GLRA3: variants seen among roughly 807,000 people sequenced by gnomAD.
GLRA3 encodes glycine receptor alpha 3.
GLRA3 carries 44 observed loss-of-function variants against 60.4 expected under a neutral mutation model. The ratio of observed to expected loss-of-function variants is 0.73; its 90% CI spans 0.57 to 0.94. The LOEUF is 0.94. Among genes scored for constraint, GLRA3 ranks in the 40% least tolerant of loss-of-function variants. GLRA3 has a pLI of 0.00. For synonymous variants in GLRA3, 223 were observed against 192.9 expected (o/e 1.16, Z -1.29); for missense variants, 508 against 564.6 (o/e 0.90, Z 1.02).
intron 9 of GLRA3, among the ~76,000 whole-genome samples, chr4:174,647,045 T>C (rs765438449): frequency 2.6e-5 from 4 of 152,186 alleles, no homozygotes; most frequent in Non-Finnish European, 4.4e-5. Flanking sequence ...AATTGGCAGA[T>C]GGATGATCTG....
At chr4:174,711,459 TAG>T (rs1293575172) in intron 5 of GLRA3, among the ~76,000 whole-genome samples, 7 of 149,500 alleles carry the variant, frequency 4.7e-5, no homozygotes, top group African/African-American at 1.2e-4. Flanking sequence ...TTTTTTTTTT[TAG>T]AGAGAGTCTC....
At chr4:174,816,214 G>A (rs1740494886) in intron 1 of GLRA3, among the ~76,000 whole-genome samples, 1 of 152,118 alleles carries the variant, frequency 6.6e-6, no homozygotes, top group Non-Finnish European at 1.5e-5. Flanking sequence ...TGGGTTATAG[G>A]TTTGCTGTGT....
At chr4:174,764,538 G>A (rs1442737338) in intron 3 of GLRA3, among the ~76,000 whole-genome samples, 1 of 63,776 alleles carries the variant, frequency 1.6e-5, no homozygotes, top group Non-Finnish European at 3.7e-5. Context: ...AAGTCAGCCT[G>A]TGCGACAGAC....
At chr4:174,774,401 T>C (rs1738513189) in intron 2 of GLRA3, among the ~76,000 whole-genome samples, 1 of 151,974 alleles carries the variant, frequency 6.6e-6, no homozygotes, top group Non-Finnish European at 1.5e-5. Flanking sequence ...TGCATGCATA[T>C]GTGTGTGTTT....
intron 1 of GLRA3, among the ~76,000 whole-genome samples, chr4:174,794,287 A>G (rs1340996038): frequency 6.6e-6 from 1 of 152,184 alleles, no homozygotes; most frequent in African/African-American, 2.4e-5. Context: ...TAGAGATGTC[A>G]TCTCTGTGCA....
intron 5 of GLRA3, among the ~76,000 whole-genome samples, chr4:174,693,733 G>A (rs554048262): frequency 8.1e-4 from 123 of 152,002 alleles, no homozygotes; most frequent in Middle Eastern, 3.4e-3. Flanking sequence ...TCTGTAAATC[G>A]CTTTGGGCTA....
intron 2 of GLRA3, among the ~76,000 whole-genome samples, chr4:174,774,272 C>G (rs1738505451): frequency 6.6e-6 from 1 of 152,016 alleles, no homozygotes; most frequent in East Asian, 1.9e-4. Context: ...AGAAACTAGA[C>G]TAAACATATG....
chr4:174,732,632 A>C (rs2111145717), intron 3 of GLRA3, among the ~76,000 whole-genome samples: 1 of 152,300 alleles, frequency 6.6e-6, no homozygotes, highest in South Asian at 2.1e-4. Context: ...CTAGTAGTGA[A>C]AATAAATTAC....
At chr4:174,670,463 T>C (rs930939860) in intron 7 of GLRA3, among the ~76,000 whole-genome samples, 2 of 152,170 alleles carry the variant, frequency 1.3e-5, no homozygotes, top group African/African-American at 4.8e-5. Flanking sequence ...CTTTTATCTT[T>C]TGGGGACTCA....
chr4:174,714,455 A>G (rs1735831973), intron 5 of GLRA3, among the ~76,000 whole-genome samples: 1 of 152,198 alleles, frequency 6.6e-6, no homozygotes, highest in Non-Finnish European at 1.5e-5. Context: ...TAATTATTTA[A>G]GAACTACTTA....
intron 5 of GLRA3, chr4:174,712,638 T>C (rs889040244): frequency 9.9e-5 from 15 of 152,186 alleles, no homozygotes; most frequent in Non-Finnish European, 1.6e-4. Context: ...CTTAATATTA[T>C]TGAACATTTT....
intron 1 of GLRA3, among the ~76,000 whole-genome samples, chr4:174,808,605 C>A (rs1178643990): frequency 6.6e-6 from 1 of 152,066 alleles, no homozygotes; most frequent in Non-Finnish European, 1.5e-5. Context: ...TCAGGCAGGT[C>A]CTTCAGGAGG....
intron 9 of GLRA3, among the ~76,000 whole-genome samples, chr4:174,653,142 A>C (rs1361812827): frequency 1.3e-5 from 2 of 152,100 alleles, no homozygotes; most frequent in Admixed American, 1.3e-4. Flanking sequence ...AACAAAGGAA[A>C]ATTAAATTGT....
intron 3 of GLRA3, among the ~76,000 whole-genome samples, chr4:174,733,562 T>C (rs559569931): frequency 6.6e-6 from 1 of 152,292 alleles, no homozygotes; most frequent in Non-Finnish European, 1.5e-5. Flanking sequence ...AGTGTTCCTG[T>C]GCCTTAGTCA....
Position 174,688,579 on chromosome 4 carries a change from A to AGTGTGTGTGT in GLRA3, c.575-5650_575-5641dup, listed in dbSNP as rs59653917. On this transcript the variant is annotated intron_variant, in intron 5 of 9. Transcript: ENST00000274093. ...GAGAAGGGATAAAGGGGAAGGAGGA[A>AGTGTGTGTGT]GTGTGTGTGTGTGTGTGTGTGTGTG... Among the ~76,000 whole-genome samples the AGTGTGTGTGT allele has an allele frequency of 4.6e-3, 610 of 133,924 alleles. 7 individuals are homozygous for AGTGTGTGTGT. Among genetic ancestry groups the AGTGTGTGTGT allele is most frequent in the African/African-American group, 0.015 (543 of 35,096 alleles). 87.9% of individuals were successfully genotyped at this position (133,924 alleles called of 152,430 possible).
At chr4:174,726,849 G>A (rs2111127949) in intron 4 of GLRA3, among the ~76,000 whole-genome samples, 1 of 152,120 alleles carries the variant, frequency 6.6e-6, no homozygotes, top group Middle Eastern at 3.4e-3. Context: ...GGTGGGGCGG[G>A]GTTGGGGGAG....
At chr4:174,721,823 G>A (rs932380607) in intron 4 of GLRA3, among the ~76,000 whole-genome samples, 2 of 151,020 alleles carry the variant, frequency 1.3e-5, no homozygotes, top group Non-Finnish European at 3.0e-5. Context: ...ATATGTGTGT[G>A]TATATATATG....
chr4:174,693,933 A>C (rs1426234680), intron 5 of GLRA3, among the ~76,000 whole-genome samples: 1 of 152,176 alleles, frequency 6.6e-6, no homozygotes, highest in Non-Finnish European at 1.5e-5. Flanking sequence ...CAAGGGTTGC[A>C]ATCCTGGTTT....
Position 174,638,335 on chromosome 4 carries a change from CAGTTTGG to C in GLRA3, c.*5444_*5450del, listed in dbSNP as rs1346328577. 2.0e-5 allele frequency: 3 copies of C among 152,146 alleles called. No individual in the cohort carries two copies. Among genetic ancestry groups the C allele is most frequent in the African/African-American group, 7.2e-5 (3 of 41,428 alleles). 9.4% of individuals were successfully genotyped at this position (152,146 alleles called of 1,614,324 possible). A position where few individuals can be genotyped will look rare whatever the true frequency, so the allele number is the denominator to read the frequency against. ...TGAGACAGAGTCTCACTCTGTCACC[CAGTTTGG>C]AGTGCAGTGGTGCGATCTTGGCTCA... is the stretch of plus-strand genomic sequence containing the variant. On this transcript the variant is annotated 3_prime_UTR_variant, in exon 10 of 10. Coordinates refer to ENST00000274093, the MANE Select transcript of GLRA3 (RefSeq NM_006529.4).
Sources: gnomAD v4.1 joint callset for allele counts (sites outside exome capture counted in the v4.1 genomes callset) on GRCh38, gnomAD v4.1.1 for gene constraint, MANE v1.5 for transcripts, NCBI Gene and HGNC (gene_info 2026-07-23, HGNC 2026-07-21) for gene names.